The following ZBBX variants were observed in gnomAD, a reference collection of about 807,000 sequenced individuals.
The protein encoded by ZBBX is zinc finger B-box domain containing.
Under a neutral mutation model 108.5 loss-of-function variants are expected in ZBBX, and 101 were observed. That is an observed-to-expected ratio of 0.93 (90% CI 0.79 to 1.10). ZBBX has a LOEUF of 1.10. Among genes scored for constraint, ZBBX ranks in the 50% least tolerant of loss-of-function variants. The pLI, the probability that ZBBX is intolerant of heterozygous loss-of-function variation, is 0.00. For missense variants in ZBBX, 1,009 were observed against 941.4 expected (o/e 1.07, Z -0.94); for synonymous variants, 356 against 323.4 (o/e 1.10, Z -1.08).
At chr3:167,376,114 G>A (rs1746919380) in intron 2 of ZBBX, among the ~76,000 whole-genome samples, 1 of 152,156 alleles carries the variant, frequency 6.6e-6, no homozygotes, top group African/African-American at 2.4e-5. Context: ...CAACCACCAA[G>A]TCCTGTCTCT....
At chr3:167,368,225 A>G (rs1234298113) in intron 5 of ZBBX, among the ~76,000 whole-genome samples, 1 of 151,760 alleles carries the variant, frequency 6.6e-6, no homozygotes, top group African/African-American at 2.4e-5. Context: ...ATAAGAAAGG[A>G]TAAGACCCAA....
the ZBBX span, among the ~76,000 whole-genome samples, chr3:167,227,686 C>G: frequency 7.4e-4 from 112 of 151,786 alleles, no homozygotes; most frequent in African/African-American, 2.6e-3. Context: ...TTCACAAACC[C>G]CCTGAAAGTT....
At chr3:167,205,275 C>T in the ZBBX span, among the ~76,000 whole-genome samples, 1 of 151,846 alleles carries the variant, frequency 6.6e-6, no homozygotes, top group African/African-American at 2.4e-5. Flanking sequence ...AGGGATGACA[C>T]TATGAGGAGG....
intron 10 of ZBBX, chr3:167,331,658 C>T (rs1738652199): frequency 1.0e-6 from 1 of 982,306 alleles, no homozygotes; most frequent in South Asian, 4.7e-5. Context: ...TATATCACGT[C>T]CACTCAGAGT....
At chr3:167,232,690 G>A in the ZBBX span, among the ~76,000 whole-genome samples, 1 of 151,714 alleles carries the variant, frequency 6.6e-6, no homozygotes, top group African/African-American at 2.4e-5. Flanking sequence ...TTTCACTTCA[G>A]AGCTTGTTAA....
chr3:167,285,471 T>G (rs1203737298), intron 19 of ZBBX, among the ~76,000 whole-genome samples: 1 of 151,034 alleles, frequency 6.6e-6, no homozygotes, highest in Non-Finnish European at 1.5e-5. Flanking sequence ...AAAAGAATTC[T>G]TAGAAATGTA....
chr3:167,316,931 T>A, intron 14 of ZBBX, 74 bp downstream of exon 14: 1 of 770,246 alleles, frequency 1.3e-6, no homozygotes, highest in South Asian at 2.4e-5. Flanking sequence ...TTGAAAATAA[T>A]ATGCAGATGT....
the ZBBX span, among the ~76,000 whole-genome samples, chr3:167,191,387 G>T: frequency 2.0e-5 from 3 of 152,090 alleles, no homozygotes; most frequent in Non-Finnish European, 4.4e-5. Flanking sequence ...ATACGGTTTG[G>T]CTGTGTCCCC....
At chr3:167,280,605 C>A (rs1488612003) in intron 20 of ZBBX, among the ~76,000 whole-genome samples, 2 of 150,908 alleles carry the variant, frequency 1.3e-5, no homozygotes, top group Non-Finnish European at 3.0e-5. Context: ...CAGGAAACAA[C>A]AGGTGCTAGA....
downstream of ZBBX, among the ~76,000 whole-genome samples, chr3:167,235,811 C>A (rs1720211752): frequency 6.6e-6 from 1 of 151,516 alleles, no homozygotes; most frequent in Non-Finnish European, 1.5e-5. Flanking sequence ...GCCGGTTATT[C>A]CCCAGCTAAA....
At chr3:167,341,861 A>T (rs1251527071) in intron 9 of ZBBX, among the ~76,000 whole-genome samples, 1 of 151,968 alleles carries the variant, frequency 6.6e-6, no homozygotes, top group Non-Finnish European at 1.5e-5. Context: ...AACAAATAGC[A>T]ACAAAATTTG....
At chr3:167,219,609 T>G in the ZBBX span, among the ~76,000 whole-genome samples, 92 of 151,928 alleles carry the variant, frequency 6.1e-4, 1 homozygote, top group East Asian at 0.013. Flanking sequence ...CAAAAACATA[T>G]TAGATACAGC....
chr3:167,280,477 T>C (rs1187392586), intron 20 of ZBBX, among the ~76,000 whole-genome samples: 1 of 150,202 alleles, frequency 6.7e-6, no homozygotes, highest in African/African-American at 2.5e-5. Flanking sequence ...AGAAGACATT[T>C]ATGCAGCCAA....
At chr3:167,388,329 T>C (rs1199899577) in intron 1 of ZBBX, among the ~76,000 whole-genome samples, 1 of 151,886 alleles carries the variant, frequency 6.6e-6, no homozygotes, top group African/African-American at 2.4e-5. Context: ...AGATAGGAGA[T>C]GAAGGCCAAA....
intron 6 of ZBBX, among the ~76,000 whole-genome samples, chr3:167,361,490 C>G (rs186224981): frequency 1.3e-5 from 2 of 152,192 alleles, no homozygotes; most frequent in East Asian, 3.9e-4. Context: ...TTTGCATGCT[C>G]AATTGCTCAA....
At chr3:167,363,719 A>G (rs574369279) in intron 6 of ZBBX, among the ~76,000 whole-genome samples, 139 of 152,200 alleles carry the variant, frequency 9.1e-4, no homozygotes, top group African/African-American at 3.1e-3. Flanking sequence ...CCTTGATTCT[A>G]TTAAACCCTT....
the ZBBX span, among the ~76,000 whole-genome samples, chr3:167,214,448 A>C: frequency 2.6e-5 from 4 of 152,208 alleles, no homozygotes; most frequent in Admixed American, 2.6e-4. Flanking sequence ...AACTAATTTA[A>C]ATACATATGC....
chr3:167,252,264 T>C (rs1722756594), intron 20 of ZBBX: 1 of 1,058,844 alleles, frequency 9.4e-7, no homozygotes, highest in African/African-American at 1.6e-5. Flanking sequence ...ATAATGCAGC[T>C]TTCACAGAGA....
chr3:167,324,294 A>C (rs1263975096), intron 11 of ZBBX, among the ~76,000 whole-genome samples: 3 of 152,024 alleles, frequency 2.0e-5, no homozygotes, highest in Non-Finnish European at 4.4e-5. Flanking sequence ...ATAGGTTCAC[A>C]TTATCATGTA....
Sources: allele counts gnomAD v4.1 joint callset (sites outside exome capture counted in the v4.1 genomes callset), GRCh38; gene constraint gnomAD v4.1.1; transcripts MANE v1.5; gene names NCBI Gene and HGNC (gene_info 2026-07-23, HGNC 2026-07-21).